PHACTR1: variants seen among roughly 807,000 people sequenced by gnomAD.
PHACTR1 encodes the protein RPEL repeat containing 1.
PHACTR1 carries 16 observed loss-of-function variants against 69.2 expected under a neutral mutation model. The ratio of observed to expected loss-of-function variants is 0.23; its 90% CI spans 0.16 to 0.35. The LOEUF is 0.35. Among genes scored for constraint, PHACTR1 ranks in the 10% least tolerant of loss-of-function variants. The pLI, the probability that PHACTR1 is intolerant of heterozygous loss-of-function variation, is 1.00. For synonymous variants in PHACTR1, 312 were observed against 284.5 expected (o/e 1.10, Z -0.97); for missense variants, 510 against 734.7 (o/e 0.69, Z 3.54).
chr6:13,287,209 A>G lies in PHACTR1; in HGVS notation c.*131A>G. The stretch of plus-strand genomic sequence containing the variant: ...ACTGCCTTTTTTTTAAAAAGAAGAA[A>G]AATCAAGGAAACACAATCAGGATTT... On this transcript the variant is annotated 3_prime_UTR_variant, in exon 15 of 15. Transcript: ENST00000332995. 1.0e-6 allele frequency: 1 copy of G among 953,898 alleles called. No homozygotes were observed. Among genetic ancestry groups the G allele is most frequent in the Non-Finnish European group, 1.5e-6 (1 of 649,578 alleles). The allele number at this position is 953,898 out of a possible 1,614,324, so 59.1% of individuals were successfully genotyped here. A position where few individuals can be genotyped will look rare whatever the true frequency, so the allele number is the denominator to read the frequency against.
At chr6:13,032,545 G>C (rs932871353) in intron 4 of PHACTR1, among the ~76,000 whole-genome samples, 1 of 152,002 alleles carries the variant, frequency 6.6e-6, no homozygotes, top group Non-Finnish European at 1.5e-5. Context: ...GGATATCCCT[G>C]TGCCTTATAT....
intron 4 of PHACTR1, among the ~76,000 whole-genome samples, chr6:13,052,024 T>C (rs1806028752): frequency 6.6e-6 from 1 of 152,172 alleles, no homozygotes; most frequent in Non-Finnish European, 1.5e-5. Context: ...CTTCCTTATC[T>C]CTATGAATGA....
At chr6:12,890,442 C>T (rs1341730255) in intron 4 of PHACTR1, among the ~76,000 whole-genome samples, 2 of 152,052 alleles carry the variant, frequency 1.3e-5, no homozygotes, top group Non-Finnish European at 2.9e-5. Flanking sequence ...AAATGGCTTC[C>T]ACTTCACTCA....
chr6:12,852,585 T>A (rs1226250806), intron 4 of PHACTR1, among the ~76,000 whole-genome samples: 1 of 152,120 alleles, frequency 6.6e-6, no homozygotes, highest in Non-Finnish European at 1.5e-5. Flanking sequence ...ATATTTATAT[T>A]TATATTTACT....
At chr6:13,068,915 G>A (rs1180791789) in intron 5 of PHACTR1, among the ~76,000 whole-genome samples, 1 of 152,088 alleles carries the variant, frequency 6.6e-6, no homozygotes. Context: ...TCTACTTTAC[G>A]TTCCAAACCT....
At chr6:12,957,962 A>G in intron 4 of PHACTR1, 1 of 985,410 alleles carries the variant, frequency 1.0e-6, no homozygotes, top group Non-Finnish European at 1.2e-6. Flanking sequence ...AAGAAAGCAC[A>G]GCTATTGGAA....
chr6:13,146,194 A>G (rs1210419949), intron 5 of PHACTR1, among the ~76,000 whole-genome samples: 2 of 152,216 alleles, frequency 1.3e-5, no homozygotes, highest in Non-Finnish European at 2.9e-5. Flanking sequence ...GACTTACTAC[A>G]TAAAGTACTA....
chr6:13,149,472 A>G (rs1450294487), intron 5 of PHACTR1, among the ~76,000 whole-genome samples: 1 of 152,184 alleles, frequency 6.6e-6, no homozygotes, highest in African/African-American at 2.4e-5. Context: ...GATGACTTGG[A>G]TATAATTGCA....
chr6:12,901,800 C>T (rs1298903741), intron 4 of PHACTR1, among the ~76,000 whole-genome samples: 2 of 152,044 alleles, frequency 1.3e-5, no homozygotes, highest in African/African-American at 2.4e-5. Context: ...CTGGCCCAAG[C>T]GTTTTTATAT....
At chr6:12,729,795 A>C (rs1173548968) in intron 3 of PHACTR1, among the ~76,000 whole-genome samples, 1 of 152,238 alleles carries the variant, frequency 6.6e-6, no homozygotes, top group Non-Finnish European at 1.5e-5. Context: ...AAGCCTAAAG[A>C]GGGAACTGAC....
Position 12,758,641 on chromosome 6 carries a change from TA to T in PHACTR1, c.250+8853del, listed in dbSNP as rs757910475. ...GACATAGTGAAGGTACTACAGCTAA[TA>T]AGAGAAAGAACTGGAATTTGGATTC... On this transcript the variant is annotated intron_variant, in intron 4 of 14. Transcript: ENST00000332995. 1.6e-4 allele frequency among the ~76,000 whole-genome samples: 24 copies of T among 152,216 alleles called. 1 individual carries two copies. The East Asian group carries it at 4.6e-3, about 29-fold the overall frequency.
At chr6:13,082,839 T>C (rs1204311929) in intron 5 of PHACTR1, among the ~76,000 whole-genome samples, 2 of 152,244 alleles carry the variant, frequency 1.3e-5, no homozygotes, top group Non-Finnish European at 2.9e-5. Context: ...AGATTCTGGA[T>C]ATTAGCCCTT....
chr6:12,960,195 C>T (rs750812689), intron 4 of PHACTR1, among the ~76,000 whole-genome samples: 7 of 152,222 alleles, frequency 4.6e-5, no homozygotes, highest in Non-Finnish European at 7.3e-5. Flanking sequence ...CTTTACCTCA[C>T]AGGCTGTATG....
chr6:13,195,257 C>T (rs1202489024), intron 7 of PHACTR1, among the ~76,000 whole-genome samples: 1 of 152,132 alleles, frequency 6.6e-6, no homozygotes, highest in African/African-American at 2.4e-5. Flanking sequence ...TTATTATAGT[C>T]CACCATCTTC....
intron 4 of PHACTR1, among the ~76,000 whole-genome samples, chr6:13,003,970 T>TATATATATATATATATATATATAG (rs1798454479): frequency 7.6e-6 from 1 of 131,712 alleles, no homozygotes; most frequent in African/African-American, 3.2e-5. Flanking sequence ...TATATGTATA[T>TATATATATATATATATATATATAG]ATATATATAC....
intron 4 of PHACTR1, among the ~76,000 whole-genome samples, chr6:12,990,289 T>C (rs1335739294): frequency 6.6e-6 from 1 of 152,136 alleles, no homozygotes; most frequent in Non-Finnish European, 1.5e-5. Context: ...CCCCCAGCCT[T>C]GAGAGTTGAT....
intron 4 of PHACTR1, among the ~76,000 whole-genome samples, chr6:12,915,227 CA>C (rs887334436): frequency 2.0e-5 from 3 of 152,036 alleles, no homozygotes; most frequent in African/African-American, 7.2e-5. Flanking sequence ...CAGGAGGAGC[CA>C]GGGGCAGTGG....
At chr6:12,938,522 G>T (rs1181852120) in intron 4 of PHACTR1, among the ~76,000 whole-genome samples, 2 of 152,118 alleles carry the variant, frequency 1.3e-5, no homozygotes, top group Non-Finnish European at 2.9e-5. Context: ...GCCCTATCTG[G>T]TGTTTCTAGT....
At chr6:12,737,621 GTC>G (rs199751757) in intron 3 of PHACTR1, among the ~76,000 whole-genome samples, 1 of 149,662 alleles carries the variant, frequency 6.7e-6, no homozygotes, top group Admixed American at 6.7e-5. Flanking sequence ...AAGAGACAGG[GTC>G]TCTCTCTGTC....
Sources: gnomAD v4.1 joint callset for allele counts (sites outside exome capture counted in the v4.1 genomes callset) on GRCh38, gnomAD v4.1.1 for gene constraint, MANE v1.5 for transcripts, NCBI Gene and HGNC (gene_info 2026-07-23, HGNC 2026-07-21) for gene names.